The following SLC9A1 variants were observed in gnomAD, a reference collection of about 807,000 sequenced individuals.
The protein encoded by SLC9A1 is solute carrier family 9 member A1.
A neutral mutation model predicts 67.9 loss-of-function variants in SLC9A1; 22 were observed. The observed-to-expected ratio is 0.32, with a 90% CI of 0.23 to 0.46. The LOEUF is 0.46. Ranked by LOEUF, SLC9A1 falls within the 20% of genes least tolerant of loss-of-function variation. SLC9A1 has a pLI of 1.00. For missense variants in SLC9A1, 686 were observed against 1,094.8 expected (o/e 0.63, Z 5.27); for synonymous variants, 421 against 471.8 (o/e 0.89, Z 1.40).
In SLC9A1 at chr1:27,114,323, C is replaced by G; in HGVS notation, c.353-37G>C. 6.5e-7 allele frequency: 1 copy of G among 1,550,298 alleles called. No individual in the cohort carries two copies. The highest frequency in any genetic ancestry group is 8.8e-7 in the Non-Finnish European group (1 of 1,132,972). On this transcript the variant is annotated intron_variant, in intron 1 of 11. Coordinates refer to ENST00000263980, the MANE Select transcript of SLC9A1 (RefSeq NM_003047.5). The surrounding 1 kb of genome is among the most constrained non-coding windows in gnomAD (Gnocchi z 5.4). ...GAGAGAACGGGAGGCCATGGGCTTT[C>G]GGAGGAGCCAGGAGAATAGAAGGTT...
Position 27,106,026 on chromosome 1 carries a change from G to T in SLC9A1, c.1344C>A (p.Asp448Glu). The T allele has an allele frequency of 6.2e-7, 1 of 1,613,618 alleles. No homozygotes were observed. The highest frequency in any genetic ancestry group is 8.5e-7 in the Non-Finnish European group (1 of 1,179,980). Residue 448 changes from aspartate to glutamate, a missense_variant, in exon 5 of 12, where the codon GAC becomes GAA. Physicochemically the swap from Asp to Glu is conservative, Grantham distance 45. Transcript: ENST00000263980. The surrounding 1 kb of genome is among the most constrained non-coding windows in gnomAD (Gnocchi z 4.3). ...GGCCCCCATAGGCGATGATGAACTGGTCCTTGGGGGTCAGCTTCACGATAC... is the reference window on the plus strand; with the variant it reads ...GGCCCCCATAGGCGATGATGAACTGTTCCTTGGGGGTCAGCTTCACGATAC... The part of the protein sequence containing the change: ...KFRIVKLTPK[D>E]QFIIAYGGLR...
At chr1:27,120,719 T>C (rs960394329) in intron 1 of SLC9A1, among the ~76,000 whole-genome samples, 11 of 151,384 alleles carry the variant, frequency 7.3e-5, no homozygotes, top group Non-Finnish European at 1.0e-4. Context: ...GCCTGGGCAA[T>C]AGAGCAAAAT....
chr1:27,111,427 G>A (rs1460892786), intron 2 of SLC9A1, among the ~76,000 whole-genome samples: 3 of 152,116 alleles, frequency 2.0e-5, no homozygotes, highest in Non-Finnish European at 4.4e-5. Flanking sequence ...TAACCTCTCC[G>A]TTCCTCAGTT....
rs966251340 is a variant in SLC9A1 at position 27,137,267 on chromosome 1, G to A, written c.352+16716C>T. ...GCCTCACCTCTGCGGAGGGAACGAT[G>A]TGGGAAGAAGGACCACTTATAGCAT... On this transcript the variant is annotated intron_variant, in intron 1 of 11. Transcript: ENST00000263980. The surrounding 1 kb of genome is among the most constrained non-coding windows in gnomAD (Gnocchi z 4.6). Among the ~76,000 whole-genome samples, 2 of 152,252 alleles carry A rather than the reference G, an allele frequency of 1.3e-5. No individual in the cohort carries two copies. The highest frequency in any genetic ancestry group is 4.8e-5 in the African/African-American group (2 of 41,468).
At chr1:27,151,088 G>A (rs1333628780) in intron 1 of SLC9A1, among the ~76,000 whole-genome samples, 1 of 152,132 alleles carries the variant, frequency 6.6e-6, no homozygotes, top group Non-Finnish European at 1.5e-5. Context: ...ACCAGCTCAA[G>A]TGAACAGTAT....
intron 1 of SLC9A1, among the ~76,000 whole-genome samples, chr1:27,135,413 T>A (rs574703014): frequency 1.5e-4 from 23 of 151,764 alleles, no homozygotes; most frequent in African/African-American, 5.6e-4. Flanking sequence ...GATGAACTAT[T>A]CAGAGTGCTC....
chr1:27,121,603 T>G (rs2083305231), intron 1 of SLC9A1, among the ~76,000 whole-genome samples: 1 of 152,112 alleles, frequency 6.6e-6, no homozygotes. Context: ...AGAGAGGCTG[T>G]TCCGGAGGCA....
intron 3 of SLC9A1, among the ~76,000 whole-genome samples, chr1:27,108,991 G>A (rs918205634): frequency 6.6e-6 from 1 of 152,162 alleles, no homozygotes; most frequent in African/African-American, 2.4e-5. Context: ...GGAGCCAGGG[G>A]CTCTGAACCC....
intron 1 of SLC9A1, among the ~76,000 whole-genome samples, chr1:27,119,349 C>T (rs751019478): frequency 2.0e-5 from 3 of 152,074 alleles, no homozygotes; most frequent in Admixed American, 6.6e-5. Context: ...CTCTTTGGCC[C>T]ATAGTGCCAG....
intron 1 of SLC9A1, among the ~76,000 whole-genome samples, chr1:27,140,680 T>A (rs2083448124): frequency 6.6e-6 from 1 of 152,180 alleles, no homozygotes; most frequent in African/African-American, 2.4e-5. Flanking sequence ...TGGGACTATT[T>A]TTAAAACCAT....
intron 1 of SLC9A1, among the ~76,000 whole-genome samples, chr1:27,144,515 A>T (rs1210114898): frequency 6.6e-6 from 1 of 152,192 alleles, no homozygotes; most frequent in Non-Finnish European, 1.5e-5. Context: ...AGCTCAGTTA[A>T]ACTCCTTGGC....
rs1385325592 is a variant in SLC9A1 at position 27,101,020 on chromosome 1, A to G, written c.2110+183T>C. ...AGCTCCCCACACAGTCCTCGCCCGG[A>G]ACGTCTCTCTCCCTAGGGATGGCCC... On this transcript the variant is annotated intron_variant, in intron 11 of 11. Transcript: ENST00000263980. This position sits in a 1 kb window ranked among gnomAD's most constrained non-coding sequence, Gnocchi z 4.9. 6.6e-6 allele frequency among the ~76,000 whole-genome samples: 1 copy of G among 152,166 alleles called. No homozygotes were observed. Among genetic ancestry groups the G allele is most frequent in the Non-Finnish European group, 1.5e-5 (1 of 68,014 alleles).
intron 1 of SLC9A1, 31 bp downstream of exon 1, chr1:27,153,950 GGC>G (rs1419590862): frequency 7.0e-7 from 1 of 1,422,698 alleles, no homozygotes; most frequent in Admixed American, 2.0e-5. Flanking sequence ...CCAGTCTGGT[GGC>G]GGCCGCAGCA....
chr1:27,134,968 C>T (rs760028055), intron 1 of SLC9A1, among the ~76,000 whole-genome samples: 1 of 151,438 alleles, frequency 6.6e-6, no homozygotes, highest in Non-Finnish European at 1.5e-5. Flanking sequence ...AACTCCTGAC[C>T]TCAGGTGATC....
chr1:27,103,084 G>A (rs530916870), intron 6 of SLC9A1, 139 bp downstream of exon 6: 21 of 700,864 alleles, frequency 3.0e-5, no homozygotes, highest in South Asian at 1.6e-4. Flanking sequence ...AGACCCTGGC[G>A]GCCTCCTGGG....
intron 2 of SLC9A1, among the ~76,000 whole-genome samples, chr1:27,111,458 G>T (rs537595200): frequency 6.6e-6 from 1 of 152,202 alleles, no homozygotes; most frequent in African/African-American, 2.4e-5. Flanking sequence ...AAAAAAACTG[G>T]AATATAACTG....
At chr1:27,104,891 A>G (rs567324415) in intron 5 of SLC9A1, among the ~76,000 whole-genome samples, 9 of 152,342 alleles carry the variant, frequency 5.9e-5, no homozygotes, top group Admixed American at 2.0e-4. Flanking sequence ...GGTAAGGCAG[A>G]GCAATTTGCA....
chr1:27,114,412 T>C lies in SLC9A1; in HGVS notation c.353-126A>G. On this transcript the variant is annotated intron_variant, in intron 1 of 11. Transcript: ENST00000263980. The surrounding 1 kb of genome is among the most constrained non-coding windows in gnomAD (Gnocchi z 5.4). ...GTGCACAGGCTGGGTCTCAGAGGGC[T>C]GCTCTGTTAACTCTCTGAGCCTCCG... The C allele has an allele frequency of 7.2e-6, 5 of 690,014 alleles. No homozygotes were observed. The South Asian group carries it at 9.6e-5, about 13-fold the overall frequency. 42.7% of individuals were successfully genotyped at this position (690,014 alleles called of 1,614,324 possible). A position where few individuals can be genotyped will look rare whatever the true frequency, so the allele number is the denominator to read the frequency against.
intron 1 of SLC9A1, among the ~76,000 whole-genome samples, chr1:27,123,560 G>T (rs2083319769): frequency 6.6e-6 from 1 of 150,640 alleles, no homozygotes; most frequent in East Asian, 2.0e-4. Flanking sequence ...TGGAGTGTTG[G>T]AGTGCAATGG....
Sources: allele counts gnomAD v4.1 joint callset (sites outside exome capture counted in the v4.1 genomes callset), GRCh38; gene constraint gnomAD v4.1.1; non-coding constraint Gnocchi (gnomAD v3.1); transcripts MANE v1.5; gene names NCBI Gene and HGNC (gene_info 2026-07-23, HGNC 2026-07-21).